Variants in ZNF225 observed in about 807,000 individuals in gnomAD.
ZNF225 encodes zinc finger protein 225.
ZNF225 carries 6 observed loss-of-function variants against 12.0 expected under a neutral mutation model. That is an observed-to-expected ratio of 0.50 (90% CI 0.27 to 0.98). The LOEUF is 0.98. Ranked by LOEUF, ZNF225 falls within the 50% of genes least tolerant of loss-of-function variation. The pLI is 0.11. For synonymous variants in ZNF225, 271 were observed against 283.2 expected (o/e 0.96, Z 0.43); for missense variants, 763 against 848.2 (o/e 0.90, Z 1.25).
At chr19:44,113,241 G>A (rs1342578879), upstream of ZNF225, 1 of 152,510 alleles carries the variant, frequency 6.6e-6, no homozygotes, top group African/African-American at 2.4e-5. Context: ...GCGAATCAGG[G>A]GATTTCTGGG....
intron 4 of ZNF225, among the ~76,000 whole-genome samples, chr19:44,122,378 C>T (rs151040372): frequency 4.6e-4 from 70 of 152,294 alleles, no homozygotes; most frequent in African/African-American, 1.7e-3. Flanking sequence ...ATACCAGTAC[C>T]ATGCTGTTTT....
rs145491824 is a variant in ZNF225 at position 44,118,876 on chromosome 19, G to C, written c.235+302G>C. Among the ~76,000 whole-genome samples, 919 of 151,664 alleles carry C rather than the reference G, an allele frequency of 6.1e-3. 8 individuals are homozygous for C. Among genetic ancestry groups the C allele is most frequent in the Non-Finnish European group, 6.4e-3 (432 of 67,928 alleles). On this transcript the variant is annotated intron_variant, in intron 4 of 4. Transcript: ENST00000262894. Reference sequence around the variant, plus strand: ...GTGTCGCCCAGGCTGGAGTGCAGTGGTGCAATCTCGGCTCACTGCAAGCTC... The same window carrying C: ...GTGTCGCCCAGGCTGGAGTGCAGTGCTGCAATCTCGGCTCACTGCAAGCTC...
chr19:44,111,584 T>C (rs1267922211), upstream of ZNF225, among the ~76,000 whole-genome samples: 6 of 152,290 alleles, frequency 3.9e-5, no homozygotes, highest in East Asian at 1.2e-3. Context: ...AGAAACAAAT[T>C]GTAGTATAAA....
intron 1 of ZNF225, among the ~76,000 whole-genome samples, chr19:44,114,876 T>G (rs1358842345): frequency 6.6e-6 from 1 of 152,222 alleles, no homozygotes; most frequent in African/African-American, 2.4e-5. Flanking sequence ...TCATTGGTGA[T>G]CTCAACTTTG....
At chr19:44,121,050 C>T (rs111898685) in intron 4 of ZNF225, among the ~76,000 whole-genome samples, 1,963 of 152,242 alleles carry the variant, frequency 0.013, 30 homozygotes, top group African/African-American at 0.044. Flanking sequence ...GCGCCCGCCA[C>T]GATGCCCTGC....
intron 1 of ZNF225, chr19:44,114,138 C>A: frequency 1.2e-6 from 1 of 830,318 alleles, no homozygotes; most frequent in Non-Finnish European, 1.9e-6. Context: ...GTTTCACAGC[C>A]TTCTCCTTAC....
chr19:44,122,225 T>C (rs1355521731), intron 4 of ZNF225, among the ~76,000 whole-genome samples: 1 of 152,216 alleles, frequency 6.6e-6, no homozygotes, highest in Admixed American at 6.5e-5. Context: ...GCTAGCCAAT[T>C]ATCCCAGCAT....
chr19:44,131,101 C>G lies in ZNF225; in HGVS notation c.487C>G (p.Leu163Val). The G allele has an allele frequency of 6.2e-7, 1 of 1,614,162 alleles. No individual in the cohort carries two copies. Among genetic ancestry groups the G allele is most frequent in the Non-Finnish European group, 8.5e-7 (1 of 1,180,002 alleles). Residue 163 changes from leucine (L) to valine (V), a missense_variant, in exon 5 of 5, where the codon CTT becomes GTT. Physicochemically the swap from Leu to Val is conservative, Grantham distance 32 (BLOSUM62 1). Transcript: ENST00000262894. The part of the protein sequence containing the change: ...CKKSFSDVSV[L>V]DLHQQLQSRE... ...AAAGTCCTTTAGTGATGTCTCCGTC[C>G]TTGATCTTCATCAACAACTACAGTC...
At position 44,118,319 on chromosome 19, in the gene ZNF225, G is replaced by A. The variant is rs745326237; in HGVS notation, c.142+5G>A. 5.6e-6 allele frequency: 9 copies of A among 1,611,538 alleles called. No individual in the cohort carries two copies. In the South Asian group the frequency reaches 9.9e-5, roughly 18 times the overall value. The stretch of plus-strand genomic sequence containing the variant: ...TCAGGAACCTGCTCTCAGTGGGTGA[G>A]GACAGGCACCCTTTGTAAGGGAACA... On this transcript the variant is annotated splice_donor_5th_base_variant and intron_variant, in intron 3 of 4. Coordinates refer to ENST00000262894, the MANE Select transcript of ZNF225 (RefSeq NM_013362.4).
chr19:44,118,498 C>T lies in ZNF225; in HGVS notation c.159C>T (p.His53=). 6.2e-7 allele frequency: 1 copy of T among 1,613,628 alleles called. No homozygotes were observed. Among genetic ancestry groups the T allele is most frequent in the Non-Finnish European group, 8.5e-7 (1 of 1,179,702 alleles). ...CGTTCACAGGGCATCAATCACTCCA[C>T]AGAGATACTTTCCACTTCCTAAAGG... The part of the protein sequence containing the change: ...NLLSVGHQSL[H]RDTFHFLKEE... Residue 53 remains histidine, a synonymous_variant, in exon 4 of 5, where the codon CAC becomes CAT. Coordinates refer to ENST00000262894, the MANE Select transcript of ZNF225 (RefSeq NM_013362.4).
At position 44,131,881 on chromosome 19, in the gene ZNF225, A is replaced by G; in HGVS notation, c.1267A>G (p.Ser423Gly). The change falls in exon 5 of 5, where the codon AGT becomes GGT. Residue 423 changes from serine to glycine, a missense_variant. Ser to Gly is a moderately conservative substitution (Grantham distance 56). Transcript: ENST00000262894. ...SQRYSHQRAHSGEKPYRCEEC... is the reference protein window; with the variant it reads ...SQRYSHQRAHGGEKPYRCEEC... ...ACGTTATTCTCACCAGAGAGCGCACAGTGGAGAAAAGCCATATAGATGTGA... is the reference window on the plus strand; with the variant it reads ...ACGTTATTCTCACCAGAGAGCGCACGGTGGAGAAAAGCCATATAGATGTGA... The G allele has an allele frequency of 6.2e-7, 1 of 1,614,204 alleles. No homozygotes were observed. The highest frequency in any genetic ancestry group is 1.1e-5 in the South Asian group (1 of 91,084).
At chr19:44,126,464 C>T (rs553917572) in intron 4 of ZNF225, among the ~76,000 whole-genome samples, 6 of 152,074 alleles carry the variant, frequency 3.9e-5, no homozygotes, top group African/African-American at 9.7e-5. Context: ...CAATGGACTC[C>T]GTGAGGTTTC....
chr19:44,116,708 G>A (rs990982980), intron 2 of ZNF225, among the ~76,000 whole-genome samples: 3 of 152,146 alleles, frequency 2.0e-5, no homozygotes, highest in East Asian at 1.9e-4. Context: ...ATTTGAAAAG[G>A]TGATGGTATT....
chr19:44,132,731 C>T lies in ZNF225; in HGVS notation c.2117C>T (p.Thr706Ile), dbSNP rs780946968. ...DTLLSLFLND[T>I] Reference sequence around the variant, plus strand: ...CTTTTGTCATTATTTTTAAATGACACATAACTGTTGTACTCATTTATGGGG... The same window carrying T: ...CTTTTGTCATTATTTTTAAATGACATATAACTGTTGTACTCATTTATGGGG... The change falls in exon 5 of 5, where the codon ACA becomes ATA. Residue 706 changes from threonine to isoleucine, a missense_variant. Transcript: ENST00000262894. The T allele has an allele frequency of 1.3e-6, 2 of 1,584,346 alleles. No individual in the cohort carries two copies. The highest frequency in any genetic ancestry group is 4.5e-5 in the East Asian group (2 of 44,312).
At chr19:44,122,320 T>G (rs1968071397) in intron 4 of ZNF225, among the ~76,000 whole-genome samples, 1 of 152,222 alleles carries the variant, frequency 6.6e-6, no homozygotes, top group Admixed American at 6.5e-5. Flanking sequence ...GATTTGGGTT[T>G]ATTTCTGGGT....
At chr19:44,116,107 C>T (rs1049004907) in intron 2 of ZNF225, among the ~76,000 whole-genome samples, 1 of 152,166 alleles carries the variant, frequency 6.6e-6, no homozygotes, top group African/African-American at 2.4e-5. Flanking sequence ...GGTGATCTGC[C>T]TGCCTTAGCC....
At chr19:44,115,596 A>G (rs1426643010) in intron 1 of ZNF225, 164 bp from the exon 2 acceptor site, 2 of 446,534 alleles carry the variant, frequency 4.5e-6, no homozygotes, top group African/African-American at 2.0e-5. Flanking sequence ...TTGTCTATCC[A>G]TGTACGCATA....
rs1441313511 is a variant in ZNF225 at position 44,118,312 on chromosome 19, T to C, written c.140T>C (p.Val47Ala). 1 of 1,612,776 alleles carries C rather than the reference T, an allele frequency of 6.2e-7. No homozygotes were observed. Among genetic ancestry groups the C allele is most frequent in the Non-Finnish European group, 8.5e-7 (1 of 1,179,450 alleles). Reference sequence around the variant, plus strand: ...GAGAACTTCAGGAACCTGCTCTCAGTGGGTGAGGACAGGCACCCTTTGTAA... The same window carrying C: ...GAGAACTTCAGGAACCTGCTCTCAGCGGGTGAGGACAGGCACCCTTTGTAA... The part of the protein sequence containing the change: ...MLENFRNLLS[V>A]GHQSLHRDTF... Residue 47 changes from valine (V) to alanine (A), a missense_variant and splice_region_variant, in exon 3 of 5, where the codon GTG (valine) becomes GCG (alanine). Coordinates refer to ENST00000262894, the MANE Select transcript of ZNF225 (RefSeq NM_013362.4).
Position 44,131,411 on chromosome 19 carries a change from G to A in ZNF225, c.797G>A (p.Gly266Glu). Reference sequence around the variant, plus strand: ...AAACCTCATATTTGTGAGAAATGTGGGAAGGCCTTCATTCATGATTCCCAG... The same window carrying A: ...AAACCTCATATTTGTGAGAAATGTGAGAAGGCCTTCATTCATGATTCCCAG... ...GVKPHICEKCGKAFIHDSQLQ... is the reference protein window; with the variant it reads ...GVKPHICEKCEKAFIHDSQLQ... The change falls in exon 5 of 5, where the codon GGG becomes GAG. Residue 266 changes from glycine to glutamate, a missense_variant. Transcript: ENST00000262894. The A allele has an allele frequency of 6.2e-7, 1 of 1,614,152 alleles. No homozygotes were observed. The highest frequency in any genetic ancestry group is 1.7e-5 in the Admixed American group (1 of 60,024).
Sources: gnomAD v4.1 joint callset for allele counts (sites outside exome capture counted in the v4.1 genomes callset) on GRCh38, gnomAD v4.1.1 for gene constraint, MANE v1.5 for transcripts, NCBI Gene and HGNC (gene_info 2026-07-23, HGNC 2026-07-21) for gene names.